Variants in CARMIL1 observed in about 807,000 individuals in gnomAD.
CARMIL1 encodes the protein F-actin-uncapping protein LRRC16A.
In CARMIL1, 90 loss-of-function variants were observed where a neutral mutation model predicts 177.1. That is an observed-to-expected ratio of 0.51 (90% CI 0.43 to 0.61). CARMIL1 has a LOEUF of 0.61. CARMIL1 is among the 20% of genes least tolerant of loss of function. The pLI is 0.00. For synonymous variants in CARMIL1, 577 were observed against 606.2 expected (o/e 0.95, Z 0.71); for missense variants, 1,380 against 1,667.0 (o/e 0.83, Z 3.00).
At chr6:25,518,252 TG>T (rs1336674966) in intron 22 of CARMIL1, among the ~76,000 whole-genome samples, 4 of 152,236 alleles carry the variant, frequency 2.6e-5, no homozygotes, top group Non-Finnish European at 4.4e-5. Flanking sequence ...AACCCTAGAC[TG>T]GGAATGAGGA....
chr6:25,406,468 C>T (rs13214013), intron 2 of CARMIL1, among the ~76,000 whole-genome samples: 85,934 of 151,892 alleles, frequency 0.57, 24,476 homozygotes, highest in East Asian at 0.69. Flanking sequence ...TAAAAGATCA[C>T]GTTCAGATCC....
At chr6:25,432,150 A>G (rs1796847174) in intron 4 of CARMIL1, among the ~76,000 whole-genome samples, 1 of 152,106 alleles carries the variant, frequency 6.6e-6, no homozygotes, top group South Asian at 2.1e-4. Context: ...TAACAAGTGC[A>G]CCATTTGATT....
chr6:25,506,213 A>G (rs964473245), intron 17 of CARMIL1, among the ~76,000 whole-genome samples: 1 of 152,222 alleles, frequency 6.6e-6, no homozygotes, highest in Non-Finnish European at 1.5e-5. Flanking sequence ...GGATGCATGT[A>G]TGAAAGCAAT....
intron 22 of CARMIL1, among the ~76,000 whole-genome samples, chr6:25,518,621 T>C (rs1312931384): frequency 6.6e-6 from 1 of 152,228 alleles, no homozygotes; most frequent in Non-Finnish European, 1.5e-5. Flanking sequence ...TTATTTACAC[T>C]GAGCTGCATC....
chr6:25,540,553 C>G (rs1237267755), intron 26 of CARMIL1, among the ~76,000 whole-genome samples: 1 of 151,988 alleles, frequency 6.6e-6, no homozygotes, highest in Admixed American at 6.6e-5. Flanking sequence ...CCCAAGGTTG[C>G]AGAGACCTGC....
intron 29 of CARMIL1, among the ~76,000 whole-genome samples, chr6:25,571,370 G>T (rs1812050156): frequency 6.6e-6 from 1 of 152,126 alleles, no homozygotes; most frequent in African/African-American, 2.4e-5. Context: ...CGAAATGCCA[G>T]TACAGAGGAT....
intron 3 of CARMIL1, among the ~76,000 whole-genome samples, chr6:25,422,819 C>T (rs989633450): frequency 6.6e-6 from 1 of 152,166 alleles, no homozygotes. Context: ...GTGAAGTCAC[C>T]TGCCTGCCTT....
At chr6:25,458,685 G>C (rs1799747487) in intron 8 of CARMIL1, among the ~76,000 whole-genome samples, 1 of 152,082 alleles carries the variant, frequency 6.6e-6, no homozygotes, top group African/African-American at 2.4e-5. Flanking sequence ...TGAGATGACA[G>C]CACAGTGGTT....
At chr6:25,447,625 C>A (rs1380661302) in intron 5 of CARMIL1, among the ~76,000 whole-genome samples, 1 of 152,050 alleles carries the variant, frequency 6.6e-6, no homozygotes, top group Non-Finnish European at 1.5e-5. Context: ...CCTCACAGCT[C>A]ATGACCTCTT....
chr6:25,504,609 C>T (rs1466198627), intron 17 of CARMIL1, among the ~76,000 whole-genome samples: 1 of 152,164 alleles, frequency 6.6e-6, no homozygotes, highest in Non-Finnish European at 1.5e-5. Flanking sequence ...GTAATAAGCA[C>T]TGAAATTAAC....
intron 16 of CARMIL1, among the ~76,000 whole-genome samples, chr6:25,498,482 T>C (rs895461078): frequency 1.3e-5 from 2 of 152,220 alleles, no homozygotes; most frequent in African/African-American, 4.8e-5. Context: ...CTCCTAATCA[T>C]TGGGCTTCTA....
chr6:25,407,269 A>T (rs750272148), intron 2 of CARMIL1, among the ~76,000 whole-genome samples: 6 of 152,108 alleles, frequency 3.9e-5, no homozygotes, highest in Non-Finnish European at 7.4e-5. Flanking sequence ...GGTGTGTAGG[A>T]TCCAGGCATA....
chr6:25,427,938 T>C (rs1796419222), intron 4 of CARMIL1, among the ~76,000 whole-genome samples: 1 of 152,240 alleles, frequency 6.6e-6, no homozygotes, highest in Non-Finnish European at 1.5e-5. Context: ...ACAAAGCCTT[T>C]ATCAGATATT....
intron 8 of CARMIL1, among the ~76,000 whole-genome samples, chr6:25,459,270 T>C (rs7451377): frequency 0.06 from 1,191 of 19,986 alleles, 8 homozygotes; most frequent in East Asian, 0.13. Context: ...TTCTTTCTTT[T>C]TTTTTTTTTT....
rs979906369 is a variant in CARMIL1, at chr6:25,606,183, A to G, written c.3757A>G (p.Thr1253Ala). The change falls in exon 35 of 37, where the codon ACG (threonine) becomes GCG (alanine). Residue 1253 changes from threonine to alanine, a missense_variant. Coordinates refer to ENST00000329474, the MANE Select transcript of CARMIL1 (RefSeq NM_017640.6). ...GTCTCGGAGCTCATCCAGCACACCT[A>G]CGAGCCCGAAGCCCCTCCTGCAGTC... Reference protein sequence around the residue: ...SRSRSSSSTPTSPKPLLQSPK... With the variant: ...SRSRSSSSTPASPKPLLQSPK... The G allele has an allele frequency of 6.2e-6, 10 of 1,613,942 alleles. No individual in the cohort carries two copies. Among genetic ancestry groups the G allele is most frequent in the Non-Finnish European group, 8.5e-6 (10 of 1,179,868 alleles).
At chr6:25,422,477 C>T (rs1176976850) in intron 3 of CARMIL1, among the ~76,000 whole-genome samples, 4 of 151,204 alleles carry the variant, frequency 2.6e-5, no homozygotes, top group South Asian at 2.1e-4. Context: ...TTTTTTTTTC[C>T]TCCCGATCAT....
At chr6:25,284,665 C>A in intron 1 of CARMIL1, 147 bp from the exon 2 acceptor site, 1 of 528,278 alleles carries the variant, frequency 1.9e-6, no homozygotes, top group Non-Finnish European at 3.5e-6. Context: ...GCCAAGATCT[C>A]ACCACTGCAC....
intron 23 of CARMIL1, among the ~76,000 whole-genome samples, chr6:25,527,227 C>T (rs1807242049): frequency 6.6e-6 from 1 of 152,150 alleles, no homozygotes; most frequent in South Asian, 2.1e-4. Flanking sequence ...TACATGCAAG[C>T]AAAGTTTGCT....
chr6:25,381,305 C>A (rs571957133), intron 2 of CARMIL1, among the ~76,000 whole-genome samples: 4 of 152,184 alleles, frequency 2.6e-5, no homozygotes, highest in Non-Finnish European at 5.9e-5. Flanking sequence ...CCATTCTGGC[C>A]CTTGCACATT....
Sources: gnomAD v4.1 joint callset for allele counts (sites outside exome capture counted in the v4.1 genomes callset) on GRCh38, gnomAD v4.1.1 for gene constraint, MANE v1.5 for transcripts, NCBI Gene and HGNC (gene_info 2026-07-23, HGNC 2026-07-21) for gene names.